Variants in COLGALT2 observed in about 807,000 individuals in gnomAD.
The protein encoded by COLGALT2 is collagen beta(1-O)galactosyltransferase 2, also known as procollagen galactosyltransferase 2.
COLGALT2 carries 49 observed loss-of-function variants against 73.4 expected under a neutral mutation model. That is an observed-to-expected ratio of 0.67 (90% CI 0.53 to 0.85). COLGALT2 has a LOEUF of 0.85. Among genes scored for constraint, COLGALT2 ranks in the 40% least tolerant of loss-of-function variants. The pLI, the probability that COLGALT2 is intolerant of heterozygous loss-of-function variation, is 0.00. For synonymous variants in COLGALT2, 295 were observed against 307.6 expected, an observed-to-expected ratio of 0.96 and a Z score of 0.43; for missense variants, 722 against 790.2, an observed-to-expected ratio of 0.91 and a Z score of 1.03.
At chr1:183,956,371 G>T (rs1484057442) in intron 6 of COLGALT2, among the ~76,000 whole-genome samples, 1 of 152,166 alleles carries the variant, frequency 6.6e-6, no homozygotes, top group Non-Finnish European at 1.5e-5. Flanking sequence ...CATATGCAGT[G>T]CATGTCTTTG....
intron 6 of COLGALT2, among the ~76,000 whole-genome samples, chr1:183,957,554 C>T (rs1228388048): frequency 1.3e-5 from 2 of 152,198 alleles, no homozygotes; most frequent in African/African-American, 4.8e-5. Context: ...AGCTTGGGTC[C>T]TTACCCACTA....
chr1:184,020,398 C>T (rs1280107715), intron 1 of COLGALT2, among the ~76,000 whole-genome samples: 1 of 152,034 alleles, frequency 6.6e-6, no homozygotes, highest in Non-Finnish European at 1.5e-5. Flanking sequence ...GAAAACTGAC[C>T]ATATTTCTCT....
chr1:184,023,649 G>C (rs565834848), intron 1 of COLGALT2, among the ~76,000 whole-genome samples: 45 of 152,048 alleles, frequency 3.0e-4, no homozygotes, highest in Admixed American at 8.5e-4. Context: ...GAGGTGGGGG[G>C]GGGGGGCGGT....
chr1:183,974,813 G>C (rs1558321394), intron 3 of COLGALT2, among the ~76,000 whole-genome samples: 1 of 152,156 alleles, frequency 6.6e-6, no homozygotes, highest in Non-Finnish European at 1.5e-5. Context: ...CCTTTCCTGT[G>C]AGCTAAAAAT....
intron 1 of COLGALT2, among the ~76,000 whole-genome samples, chr1:184,033,219 T>C (rs895348829): frequency 1.3e-5 from 2 of 152,236 alleles, no homozygotes; most frequent in Non-Finnish European, 2.9e-5. Flanking sequence ...GTTTTCACTG[T>C]CATGGTACTT....
At chr1:183,975,311 C>T (rs952928945) in intron 2 of COLGALT2, 97 bp from the exon 3 acceptor site, 115 of 644,682 alleles carry the variant, frequency 1.8e-4, no homozygotes, top group Middle Eastern at 7.1e-4. Context: ...TCTATCAATC[C>T]CAGGAAGTAG....
chr1:183,967,251 G>A (rs1381588101), intron 5 of COLGALT2, among the ~76,000 whole-genome samples: 2 of 152,198 alleles, frequency 1.3e-5, no homozygotes, highest in African/African-American at 4.8e-5. Flanking sequence ...GGTCTGCACC[G>A]CCAGTCTGGC....
At chr1:183,944,367 A>C (rs1670194151) in intron 9 of COLGALT2, 44 bp from the exon 10 acceptor site, 1 of 1,577,588 alleles carries the variant, frequency 6.3e-7, no homozygotes, top group Non-Finnish European at 8.6e-7. Context: ...AAAAGTTTGA[A>C]ACCCAATTTT....
intron 1 of COLGALT2, among the ~76,000 whole-genome samples, chr1:184,013,466 G>A (rs1269923723): frequency 1.3e-5 from 2 of 152,134 alleles, no homozygotes; most frequent in East Asian, 3.8e-4. Context: ...TGGAGAGGTA[G>A]TCTGAATCTA....
Position 183,936,980 on chromosome 1 carries a change from G to A in COLGALT2, c.*1781C>T. 1 of 1,231,752 alleles carries A rather than the reference G, an allele frequency of 8.1e-7. No individual in the cohort carries two copies. The highest frequency in any genetic ancestry group is 1.0e-6 in the Non-Finnish European group (1 of 987,976). The allele number at this position is 1,231,752 out of a possible 1,614,324, so 76.3% of individuals were successfully genotyped here. A position where few individuals can be genotyped will look rare whatever the true frequency, so the allele number is the denominator to read the frequency against. On this transcript the variant is annotated 3_prime_UTR_variant, in exon 12 of 12. Coordinates refer to ENST00000361927, the MANE Select transcript of COLGALT2 (RefSeq NM_015101.4). ...ATGAGGCTGCCTTGACTACCTATTT[G>A]GTGATGAGACAGCTTGGTGATCACT...
intron 8 of COLGALT2, 105 bp from the exon 9 acceptor site, chr1:183,945,669 A>G: frequency 7.6e-7 from 1 of 1,323,972 alleles, no homozygotes; most frequent in Admixed American, 2.1e-5. Context: ...CCCCACACAG[A>G]CAAAGACAGA....
intron 2 of COLGALT2, 64 bp downstream of exon 2, chr1:183,978,346 C>T: frequency 2.2e-6 from 2 of 891,690 alleles, no homozygotes; most frequent in Admixed American, 3.6e-5. Context: ...CCTGGAAGCC[C>T]TAAAGAGCTA....
chr1:183,942,035 G>A (rs61824786), intron 10 of COLGALT2, among the ~76,000 whole-genome samples: 7,287 of 151,008 alleles, frequency 0.048, 260 homozygotes, highest in Middle Eastern at 0.16. Context: ...TGTAAGCTCC[G>A]CCTCCTGGGT....
chr1:183,952,075 A>T (rs982484275), intron 7 of COLGALT2, among the ~76,000 whole-genome samples: 2 of 152,226 alleles, frequency 1.3e-5, no homozygotes, highest in East Asian at 3.8e-4. Flanking sequence ...CAACAAGGAC[A>T]ACAAGAGTTA....
chr1:183,951,256 A>T (rs753803756), intron 7 of COLGALT2, 143 bp from the exon 8 acceptor site: 5 of 645,478 alleles, frequency 7.7e-6, no homozygotes, highest in Non-Finnish European at 1.4e-5. Context: ...TTTCTATCTC[A>T]CATCAGTGTT....
At chr1:183,983,533 A>G (rs1455443322) in intron 1 of COLGALT2, among the ~76,000 whole-genome samples, 2 of 152,240 alleles carry the variant, frequency 1.3e-5, no homozygotes, top group Non-Finnish European at 2.9e-5. Flanking sequence ...CCCATATGCA[A>G]GCTTTCTGGA....
At chr1:183,953,378 A>C (rs1459243043) in intron 7 of COLGALT2, among the ~76,000 whole-genome samples, 2 of 152,188 alleles carry the variant, frequency 1.3e-5, no homozygotes, top group African/African-American at 4.8e-5. Context: ...CCTTCTCCTG[A>C]AGGGCTCTAG....
chr1:184,007,279 C>T (rs533661193), intron 1 of COLGALT2, among the ~76,000 whole-genome samples: 12 of 152,290 alleles, frequency 7.9e-5, no homozygotes, highest in South Asian at 2.1e-4. Context: ...GTGAAGTTTT[C>T]GGCAAATCTC....
chr1:183,973,894 T>C (rs1378341732), intron 3 of COLGALT2, 144 bp from the exon 4 acceptor site: 1 of 711,876 alleles, frequency 1.4e-6, no homozygotes, highest in African/African-American at 1.8e-5. Context: ...TGAAACCCAT[T>C]GCAGCTAGGT....
Sources: gnomAD v4.1 joint callset for allele counts (sites outside exome capture counted in the v4.1 genomes callset) on GRCh38, gnomAD v4.1.1 for gene constraint, MANE v1.5 for transcripts, NCBI Gene and HGNC (gene_info 2026-07-23, HGNC 2026-07-21) for gene names.